NWD1: variants seen among roughly 807,000 people sequenced by gnomAD.
The protein encoded by NWD1 is NACHT domain- and WD repeat-containing protein 1.
A neutral mutation model predicts 135.1 loss-of-function variants in NWD1; 129 were observed. The ratio of observed to expected loss-of-function variants is 0.96; its 90% CI spans 0.83 to 1.11. The LOEUF (loss-of-function observed/expected upper bound fraction) is 1.11, where lower values mean the gene tolerates loss of function less well. Among genes scored for constraint, NWD1 ranks in the 50% least tolerant of loss-of-function variants. NWD1 has a pLI of 0.00. For synonymous variants in NWD1, 773 were observed against 786.0 expected, an observed-to-expected ratio of 0.98 and a Z score of 0.28; for missense variants, 1,740 against 1,851.3, an observed-to-expected ratio of 0.94 and a Z score of 1.10.
rs149456131 is a variant in NWD1 at position 16,779,764 on chromosome 19, G to A, written c.2731+299G>A. ...TGATCCTCCTGCCTCAGCCTCCTGA[G>A]TAGCTGGGACTACAAGCACATACCA... is the stretch of plus-strand genomic sequence containing the variant. On this transcript the variant is annotated intron_variant, in intron 12 of 18. Transcript: ENST00000524140. Among the ~76,000 whole-genome samples, 1,360 of 152,150 alleles carry A rather than the reference G, an allele frequency of 8.9e-3. 27 individuals carry two copies. Among genetic ancestry groups the A allele is most frequent in the African/African-American group, 0.031 (1,306 of 41,500 alleles).
At position 16,736,711 on chromosome 19, in the gene NWD1, T is replaced by A. The variant is rs1019348944; in HGVS notation, c.159T>A (p.Val53=). ...CCACAGAACTCTGCTTGGAGGAGGT[T>A]GACCGGTGTTGGAAAACATCCATAG... The part of the protein sequence containing the change: ...HLTTELCLEE[V]DRCWKTSIGP... The change falls in exon 4 of 19, where the codon GTT becomes GTA. Residue 53 remains valine, a synonymous_variant. Transcript: ENST00000524140. The A allele has an allele frequency of 5.9e-6, 9 of 1,536,260 alleles. No individual in the cohort carries two copies. The Admixed American group carries it at 9.8e-5, about 17-fold the overall frequency.
intron 18 of NWD1, 121 bp from the exon 19 acceptor site, chr19:16,814,907 A>G (rs781740345): frequency 1.2e-4 from 97 of 786,266 alleles, no homozygotes; most frequent in Non-Finnish European, 1.9e-4. Context: ...AATAAATGTC[A>G]TGCCAAAATT....
In NWD1 at chr19:16,786,325, T is replaced by C. The variant is rs112481140; in HGVS notation, c.2732-2657T>C. Among the ~76,000 whole-genome samples the C allele has an allele frequency of 3.8e-3, 583 of 151,932 alleles. 5 individuals carry two copies. The highest frequency in any genetic ancestry group is 0.013 in the African/African-American group (546 of 41,494). ...GCCCAGTCATATCCTTGTTCTGTTA[T>C]TGTATTTTATTTCATTTATAATTTC... is the stretch of plus-strand genomic sequence containing the variant. On this transcript the variant is annotated intron_variant, in intron 12 of 18. Coordinates refer to ENST00000524140, the MANE Select transcript of NWD1 (RefSeq NM_001007525.5).
intron 11 of NWD1, among the ~76,000 whole-genome samples, chr19:16,776,716 C>T (rs1969612760): frequency 6.9e-6 from 1 of 144,654 alleles, no homozygotes; most frequent in South Asian, 2.2e-4. Flanking sequence ...ATCTCTTGGG[C>T]CGAGATGTTC....
At chr19:16,751,929 AAAG>A (rs1442875072) in intron 6 of NWD1, among the ~76,000 whole-genome samples, 2 of 151,678 alleles carry the variant, frequency 1.3e-5, no homozygotes, top group Admixed American at 6.6e-5. Flanking sequence ...AGGAAAGAGG[AAAG>A]AAGAAAGGAA....
intron 1 of NWD1, chr19:16,721,395 C>G (rs4808525): frequency 0.69 from 104,867 of 152,030 alleles, 36,436 homozygotes; most frequent in Middle Eastern, 0.71. Flanking sequence ...CGATCATCAG[C>G]AGGCAGTAAC....
chr19:16,753,021 G>C (rs534593690), intron 6 of NWD1, among the ~76,000 whole-genome samples: 12 of 152,290 alleles, frequency 7.9e-5, no homozygotes, highest in African/African-American at 2.9e-4. Flanking sequence ...AATAACAACT[G>C]GGGCATGTTC....
At chr19:16,783,591 G>T (rs10401301) in intron 12 of NWD1, among the ~76,000 whole-genome samples, 7,294 of 151,194 alleles carry the variant, frequency 0.048, 230 homozygotes, top group African/African-American at 0.09. Flanking sequence ...CCGAGATCGC[G>T]CCACTGCACT....
intron 6 of NWD1, among the ~76,000 whole-genome samples, chr19:16,752,798 A>C (rs144760676): frequency 1.6e-3 from 248 of 152,186 alleles, no homozygotes; most frequent in African/African-American, 5.6e-3. Context: ...GGAGTTCAAG[A>C]CCAGCCTGGG....
chr19:16,727,526 G>T (rs75370704), intron 2 of NWD1: 9,193 of 152,658 alleles, frequency 0.06, 333 homozygotes, highest in Admixed American at 0.12. Flanking sequence ...CCCTTTCCAG[G>T]GGAAGGGTCA....
At chr19:16,813,004 C>T (rs957530856) in intron 18 of NWD1, among the ~76,000 whole-genome samples, 2 of 152,186 alleles carry the variant, frequency 1.3e-5, no homozygotes, top group African/African-American at 4.8e-5. Context: ...GCAAAGGGCC[C>T]ACAATCCCTC....
chr19:16,769,804 A>G (rs999690303), intron 10 of NWD1, among the ~76,000 whole-genome samples: 1 of 152,002 alleles, frequency 6.6e-6, no homozygotes, highest in African/African-American at 2.4e-5. Context: ...ATTTTCTATC[A>G]CTGCACCCTG....
chr19:16,761,350 C>T (rs930633701), intron 7 of NWD1, among the ~76,000 whole-genome samples: 24 of 144,198 alleles, frequency 1.7e-4, no homozygotes, highest in African/African-American at 6.4e-4. Context: ...CCCTTTCTTT[C>T]TCTTTCTTTC....
intron 11 of NWD1, among the ~76,000 whole-genome samples, chr19:16,778,494 C>CTTCTTTTTTTTTTTTTTTT (rs200410922): frequency 8.4e-5 from 9 of 107,564 alleles, no homozygotes; most frequent in African/African-American, 2.9e-4. Flanking sequence ...TCTTCTTCTT[C>CTTCTTTTTTTTTTTTTTTT]TTTTTTTTTT....
chr19:16,762,296 C>CCTTTT (rs1555724276), intron 8 of NWD1, among the ~76,000 whole-genome samples, 158 bp downstream of exon 8: 4 of 106,722 alleles, frequency 3.7e-5, no homozygotes, highest in African/African-American at 1.3e-4. Flanking sequence ...CCCCCCCACT[C>CCTTTT]CTTTTTTTTT....
intron 6 of NWD1, among the ~76,000 whole-genome samples, chr19:16,752,558 T>C (rs1312055291): frequency 2.0e-5 from 3 of 152,112 alleles, no homozygotes; most frequent in Admixed American, 2.0e-4. Context: ...GGAGGATCAC[T>C]TGAGCACAGG....
chr19:16,726,632 G>GTT (rs1967340636), intron 2 of NWD1, among the ~76,000 whole-genome samples: 1 of 151,840 alleles, frequency 6.6e-6, no homozygotes, highest in Non-Finnish European at 1.5e-5. Flanking sequence ...TAGAGACAGG[G>GTT]TTTCACCATG....
chr19:16,761,266 A>G (rs769350927), intron 7 of NWD1, among the ~76,000 whole-genome samples: 5 of 152,060 alleles, frequency 3.3e-5, no homozygotes, highest in Middle Eastern at 6.8e-3. Context: ...TCGTCTATGG[A>G]TGGACACTTG....
chr19:16,763,775 G>A, intron 8 of NWD1, 53 bp from the exon 9 acceptor site: 1 of 1,100,094 alleles, frequency 9.1e-7, no homozygotes, highest in East Asian at 2.4e-5. Flanking sequence ...CTTGTGCGTG[G>A]AGTGAATGAA....
Sources: allele counts gnomAD v4.1 joint callset (sites outside exome capture counted in the v4.1 genomes callset), GRCh38; gene constraint gnomAD v4.1.1; transcripts MANE v1.5; gene names NCBI Gene and HGNC (gene_info 2026-07-23, HGNC 2026-07-21).